Variants in COL4A6 observed in about 807,000 individuals in gnomAD.
The protein encoded by COL4A6 is collagen type IV alpha 6 chain.
A neutral mutation model predicts 126.7 loss-of-function variants in COL4A6; 59 were observed. The ratio of observed to expected loss-of-function variants is 0.47; its 90% CI spans 0.38 to 0.58. The LOEUF (loss-of-function observed/expected upper bound fraction) is 0.58, where lower values mean the gene tolerates loss of function less well. Ranked by LOEUF, COL4A6 falls within the 20% of genes least tolerant of loss-of-function variation. The probability of loss-of-function intolerance (pLI) is 0.00; values close to 1 mark genes in which losing one functional copy is unlikely to be tolerated. For synonymous variants in COL4A6, 547 were observed against 496.6 expected, an observed-to-expected ratio of 1.10 and a Z score of -1.35; for missense variants, 1,285 against 1,337.3, an observed-to-expected ratio of 0.96 and a Z score of 0.61.
intron 32 of COL4A6, 104 bp downstream of exon 32, chrX:108,172,365 G>GAAAAAAAAAAA (rs397935341): frequency 6.3e-5 from 7 of 111,292 alleles, no homozygotes; most frequent in African/African-American, 1.6e-4. Context: ...GCCTAAAAAA[G>GAAAAAAAAAAA]AAAAAAAAAA....
At chrX:108,373,676 C>A (rs1015697567) in intron 2 of COL4A6, among the ~76,000 whole-genome samples, 1 of 111,565 alleles carries the variant, frequency 9.0e-6, no homozygotes, top group Non-Finnish European at 1.9e-5. Context: ...ATCCTACACA[C>A]TTCATCTTGT....
chrX:108,261,587 A>G (rs980892043), intron 3 of COL4A6, among the ~76,000 whole-genome samples: 1 of 111,219 alleles, frequency 9.0e-6, no homozygotes, highest in Non-Finnish European at 1.9e-5. Flanking sequence ...GCATTTTCCT[A>G]GTTACTCTAC....
intron 3 of COL4A6, among the ~76,000 whole-genome samples, chrX:108,261,995 A>C (rs1487938819): frequency 8.9e-6 from 1 of 111,858 alleles, no homozygotes; most frequent in Non-Finnish European, 1.9e-5. Context: ...CTTGGCAAAA[A>C]CACAATGGTT....
At chrX:108,403,473 A>G (rs2041138759) in intron 2 of COL4A6, among the ~76,000 whole-genome samples, 1 of 110,274 alleles carries the variant, frequency 9.1e-6, no homozygotes, top group Admixed American at 9.7e-5. Context: ...TATTTTTTTA[A>G]TATTGCTACT....
intron 43 of COL4A6, 192 bp from the exon 44 acceptor site, chrX:108,159,940 AT>A (rs2148050130): frequency 5.8e-6 from 3 of 514,997 alleles, no homozygotes. Flanking sequence ...AAATTTGATA[AT>A]AACAAGAATC....
At chrX:108,425,501 A>AG (rs1466381897) in intron 2 of COL4A6, among the ~76,000 whole-genome samples, 2 of 110,043 alleles carry the variant, frequency 1.8e-5, no homozygotes, top group Non-Finnish European at 3.8e-5. Context: ...TGGGAGGCTA[A>AG]GGGGGGATGG....
chrX:108,159,778 G>C, intron 43 of COL4A6, 30 bp from the exon 44 acceptor site: 1 of 1,209,048 alleles, frequency 8.3e-7, no homozygotes, highest in East Asian at 3.0e-5. Context: ...GCAAGGGCAG[G>C]GGAGGTCTGG....
intron 2 of COL4A6, among the ~76,000 whole-genome samples, chrX:108,314,721 T>C (rs1259193951): frequency 5.3e-5 from 6 of 112,160 alleles, no homozygotes; most frequent in Admixed American, 3.8e-4. Flanking sequence ...CCAGCTCTAA[T>C]ATTTCCGAGT....
chrX:108,405,688 T>C (rs2041191330), intron 2 of COL4A6, among the ~76,000 whole-genome samples: 1 of 111,503 alleles, frequency 9.0e-6, no homozygotes, highest in African/African-American at 3.3e-5. Flanking sequence ...ATCATCAATA[T>C]GCCCATCATT....
chrX:108,431,621 C>A (rs961969550), intron 2 of COL4A6, among the ~76,000 whole-genome samples: 2 of 111,203 alleles, frequency 1.8e-5, no homozygotes, highest in South Asian at 3.8e-4. Context: ...GGTGGACTTG[C>A]GGACTTAATT....
intron 2 of COL4A6, among the ~76,000 whole-genome samples, chrX:108,370,830 T>A (rs948717334): frequency 1.7e-4 from 19 of 111,210 alleles, no homozygotes; most frequent in African/African-American, 5.6e-4. Flanking sequence ...TGTTATTACT[T>A]ACCAATCTCC....
chrX:108,229,615 C>T (rs2036256630), intron 3 of COL4A6, among the ~76,000 whole-genome samples: 1 of 112,412 alleles, frequency 8.9e-6, no homozygotes, highest in Non-Finnish European at 1.9e-5. Context: ...TAGCATTGCA[C>T]CTTGCATATA....
At chrX:108,221,940 C>T (rs1179199261) in intron 3 of COL4A6, among the ~76,000 whole-genome samples, 1 of 112,611 alleles carries the variant, frequency 8.9e-6, no homozygotes, top group African/African-American at 3.2e-5. Flanking sequence ...ACAGGGAAAA[C>T]ACACATACAC....
intron 3 of COL4A6, among the ~76,000 whole-genome samples, chrX:108,231,506 T>C (rs763251557): frequency 8.9e-6 from 1 of 112,490 alleles, no homozygotes; most frequent in South Asian, 3.7e-4. Context: ...TCACCTCCTC[T>C]ATTCTTTTAA....
intron 2 of COL4A6, among the ~76,000 whole-genome samples, chrX:108,420,351 T>A (rs73533280): frequency 9.0e-6 from 1 of 111,328 alleles, no homozygotes; most frequent in Non-Finnish European, 1.9e-5. Flanking sequence ...GAGGGAGGAC[T>A]CTGTAATGTC....
rs758832544 is a variant in COL4A6, at chrX:108,174,518, G to A, written c.3060C>T (p.Gly1020=). ...CAGGTAAGCCCCGGATTCCCATGAAGCCAGGGGGCCCTGGCTTTCCACTAA... is the reference window on the plus strand; with the variant it reads ...CAGGTAAGCCCCGGATTCCCATGAAACCAGGGGGCCCTGGCTTTCCACTAA... The part of the protein sequence containing the change: ...KGVSGKPGPP[G]FMGIRGLPGL... The change falls in exon 31 of 45, where the codon GGC becomes GGT. Residue 1020 remains glycine, a synonymous_variant. Coordinates refer to ENST00000334504, the MANE Select transcript of COL4A6 (RefSeq NM_033641.4). 1.7e-6 allele frequency: 2 copies of A among 1,210,612 alleles called. No individual in the cohort carries two copies. The highest frequency in any genetic ancestry group is 2.2e-6 in the Non-Finnish European group (2 of 894,715).
intron 3 of COL4A6, among the ~76,000 whole-genome samples, chrX:108,246,035 C>T (rs1266498429): frequency 9.0e-6 from 1 of 111,631 alleles, no homozygotes; most frequent in African/African-American, 3.3e-5. Flanking sequence ...CTCTGAACTA[C>T]TGGGGGAAAA....
intron 2 of COL4A6, among the ~76,000 whole-genome samples, chrX:108,393,985 TGGCGGC>T (rs1406004316): frequency 8.9e-6 from 1 of 112,018 alleles, no homozygotes; most frequent in Non-Finnish European, 1.9e-5. Context: ...CGTATGTTTA[TGGCGGC>T]ACTGTTCACA....
chrX:108,403,492 T>C (rs1213473299), intron 2 of COL4A6, among the ~76,000 whole-genome samples: 1 of 110,855 alleles, frequency 9.0e-6, no homozygotes, highest in African/African-American at 3.3e-5. Context: ...CTCTTGTTTT[T>C]CTATCCCCAT....
Sources: gnomAD v4.1 joint callset for allele counts (sites outside exome capture counted in the v4.1 genomes callset) on GRCh38, gnomAD v4.1.1 for gene constraint, MANE v1.5 for transcripts, NCBI Gene and HGNC (gene_info 2026-07-23, HGNC 2026-07-21) for gene names.